The following GRIK1 variants were observed in gnomAD, a reference collection of about 807,000 sequenced individuals.
GRIK1 encodes glutamate ionotropic receptor kainate type subunit 1.
Under a neutral mutation model 105.7 loss-of-function variants are expected in GRIK1, and 69 were observed. That is an observed-to-expected ratio of 0.65 (90% confidence interval 0.54 to 0.80). The LOEUF is 0.80. Among genes scored for constraint, GRIK1 ranks in the 30% least tolerant of loss-of-function variants. GRIK1 has a pLI of 0.00. For missense variants in GRIK1, 1,109 were observed against 1,167.3 expected (o/e 0.95, Z 0.73); for synonymous variants, 438 against 431.3 (o/e 1.02, Z -0.19).
chr21:29,678,265 A>G (rs548172186), intron 3 of GRIK1, among the ~76,000 whole-genome samples: 2 of 152,320 alleles, frequency 1.3e-5, no homozygotes, highest in South Asian at 4.1e-4. Flanking sequence ...TCAAAACTAA[A>G]AAATGAAAAC....
intron 7 of GRIK1, among the ~76,000 whole-genome samples, chr21:29,618,927 A>T (rs555710602): frequency 2.6e-5 from 4 of 152,014 alleles, no homozygotes; most frequent in Middle Eastern, 6.8e-3. Flanking sequence ...GGAGATCAAG[A>T]CAATCCTGGC....
Position 29,731,256 on chromosome 21 carries a change from C to T in GRIK1, c.119-37193G>A, listed in dbSNP as rs114858061. Among the ~76,000 whole-genome samples the T allele has an allele frequency of 1.6e-3, 250 of 152,322 alleles. 1 individual carries two copies. The highest frequency in any genetic ancestry group is 5.6e-3 in the African/African-American group (231 of 41,564). On this transcript the variant is annotated intron_variant, in intron 1 of 17. Coordinates refer to ENST00000327783, the MANE Select transcript of GRIK1 (RefSeq NM_001330994.2). ...AACTTTGGCCAACTTTCTTGAAACA[C>T]TCTCATAATAAGCAGATGTTATCAT... is the stretch of plus-strand genomic sequence containing the variant.
intron 15 of GRIK1, among the ~76,000 whole-genome samples, chr21:29,558,889 T>C (rs2090323039): frequency 6.6e-6 from 1 of 152,094 alleles, no homozygotes; most frequent in African/African-American, 2.4e-5. Context: ...CACTGTACTA[T>C]CAGAAATTTT....
At chr21:29,707,492 G>T in intron 1 of GRIK1, among the ~76,000 whole-genome samples, 1 of 23,610 alleles carries the variant, frequency 4.2e-5, no homozygotes, top group South Asian at 1.5e-3. Flanking sequence ...CTCTTTGTTT[G>T]TTTCCTTCTT....
At chr21:29,861,750 A>T (rs2068647988) in intron 1 of GRIK1, 1 of 397,210 alleles carries the variant, frequency 2.5e-6, no homozygotes, top group Admixed American at 3.0e-5. Context: ...GCCTGTTGAT[A>T]TGGTGGATTG....
chr21:29,862,421 T>A (rs1286689450), intron 1 of GRIK1, among the ~76,000 whole-genome samples: 2 of 152,236 alleles, frequency 1.3e-5, no homozygotes, highest in Non-Finnish European at 2.9e-5. Flanking sequence ...AAATTAAATT[T>A]AAAAACTTTC....
At chr21:29,599,005 T>A in intron 7 of GRIK1, 68 bp from the exon 8 acceptor site, 1 of 724,806 alleles carries the variant, frequency 1.4e-6, no homozygotes, top group Non-Finnish European at 2.4e-6. Flanking sequence ...CCATCAAAAT[T>A]ATAATACCTC....
In GRIK1 at chr21:29,851,611, T is replaced by C. The variant is rs574278673; in HGVS notation, c.118+87772A>G. Among the ~76,000 whole-genome samples the C allele has an allele frequency of 8.5e-5, 13 of 152,316 alleles. 1 individual carries two copies. The South Asian group carries it at 2.5e-3, about 29-fold the overall frequency. ...TCCTGGTTCTGACTCCTACCAGCTG[T>C]GTGATCACAGTTCCTCTTCTGCAAA... is the stretch of plus-strand genomic sequence containing the variant. On this transcript the variant is annotated intron_variant, in intron 1 of 17. Coordinates refer to ENST00000327783, the MANE Select transcript of GRIK1 (RefSeq NM_001330994.2).
intron 1 of GRIK1, among the ~76,000 whole-genome samples, chr21:29,786,892 T>C (rs1011775620): frequency 1.3e-5 from 2 of 152,164 alleles, no homozygotes; most frequent in African/African-American, 4.8e-5. Context: ...AAAGAATTCA[T>C]TGATGGATAG....
intron 1 of GRIK1, among the ~76,000 whole-genome samples, chr21:29,815,220 G>C (rs1159137629): frequency 6.6e-6 from 1 of 152,156 alleles, no homozygotes; most frequent in Non-Finnish European, 1.5e-5. Flanking sequence ...AGGTAGTGCA[G>C]TGTCTGAGAC....
chr21:29,658,317 C>T (rs555162909), intron 4 of GRIK1, among the ~76,000 whole-genome samples: 66 of 152,238 alleles, frequency 4.3e-4, no homozygotes, highest in African/African-American at 1.5e-3. Context: ...GGCTATAGCG[C>T]ACTGGTACAA....
chr21:29,598,826 T>A lies in GRIK1; in HGVS notation c.1206+4A>T. On this transcript the variant is annotated splice_donor_region_variant and intron_variant, in intron 8 of 17. Transcript: ENST00000327783. ...TTTTATTTATTTATTGTTAAGGAGGTTACCTTTTCAGTTCCTTCCTCTTTG... is the reference window on the plus strand; with the variant it reads ...TTTTATTTATTTATTGTTAAGGAGGATACCTTTTCAGTTCCTTCCTCTTTG... 8.0e-7 allele frequency: 1 copy of A among 1,257,596 alleles called. No individual in the cohort carries two copies. Among genetic ancestry groups the A allele is most frequent in the South Asian group, 1.3e-5 (1 of 79,058 alleles). 77.9% of individuals were successfully genotyped at this position (1,257,596 alleles called of 1,614,324 possible). A position where few individuals can be genotyped will look rare whatever the true frequency, so the allele number is the denominator to read the frequency against.
At chr21:29,730,764 A>G (rs1360284698) in intron 1 of GRIK1, among the ~76,000 whole-genome samples, 1 of 152,082 alleles carries the variant, frequency 6.6e-6, no homozygotes, top group Non-Finnish European at 1.5e-5. Flanking sequence ...GATTTCATTT[A>G]CCATCATGAC....
chr21:29,848,780 T>TATATATATATATATATATA (rs1255846155), intron 1 of GRIK1, among the ~76,000 whole-genome samples: 3 of 28,424 alleles, frequency 1.1e-4, no homozygotes, highest in Non-Finnish European at 1.5e-4. Context: ...TATATATATA[T>TATATATATATATATATATA]TTTTTTTTTT....
intron 1 of GRIK1, among the ~76,000 whole-genome samples, chr21:29,905,536 C>T (rs1208323942): frequency 6.6e-6 from 1 of 151,152 alleles, no homozygotes; most frequent in East Asian, 1.9e-4. Flanking sequence ...ACCTCCGTCT[C>T]CTGGGTTCAA....
At chr21:29,574,232 A>G (rs2090829688) in intron 14 of GRIK1, among the ~76,000 whole-genome samples, 2 of 152,238 alleles carry the variant, frequency 1.3e-5, no homozygotes, top group Non-Finnish European at 2.9e-5. Context: ...TAAGGGATCC[A>G]CAGCCTGTGC....
At chr21:29,834,697 A>G (rs2067733361) in intron 1 of GRIK1, among the ~76,000 whole-genome samples, 1 of 151,336 alleles carries the variant, frequency 6.6e-6, no homozygotes, top group African/African-American at 2.4e-5. Flanking sequence ...ATAGTTCTTG[A>G]AAGTGTTTAA....
intron 1 of GRIK1, among the ~76,000 whole-genome samples, chr21:29,785,431 G>A: frequency 6.6e-6 from 1 of 152,102 alleles, no homozygotes; most frequent in Non-Finnish European, 1.5e-5. Context: ...GATCATGGTG[G>A]TGTGAGCCTG....
chr21:29,816,713 T>C (rs1408337015), intron 1 of GRIK1, among the ~76,000 whole-genome samples: 1 of 152,090 alleles, frequency 6.6e-6, no homozygotes, highest in Non-Finnish European at 1.5e-5. Context: ...CATTGCATGT[T>C]CTCACTTATA....
Sources: allele counts gnomAD v4.1 joint callset (sites outside exome capture counted in the v4.1 genomes callset), GRCh38; gene constraint gnomAD v4.1.1; transcripts MANE v1.5; gene names NCBI Gene and HGNC (gene_info 2026-07-23, HGNC 2026-07-21).